ANO4: variants seen among roughly 807,000 people sequenced by gnomAD.
ANO4 encodes the protein anoctamin 4, also known as anoctamin-4.
ANO4 carries 69 observed loss-of-function variants against 141.9 expected under a neutral mutation model. That is an observed-to-expected ratio of 0.49 (90% CI 0.40 to 0.59). The LOEUF (loss-of-function observed/expected upper bound fraction) is 0.59. Among genes scored for constraint, ANO4 ranks in the 20% least tolerant of loss-of-function variants. The pLI is 0.00. For missense variants in ANO4, 894 were observed against 1,162.2 expected, an observed-to-expected ratio of 0.77 and a Z score of 3.36; for synonymous variants, 350 against 394.3, an observed-to-expected ratio of 0.89 and a Z score of 1.33.
intron 2 of ANO4, among the ~76,000 whole-genome samples, chr12:100,910,402 A>G (rs1019526420): frequency 6.6e-6 from 1 of 152,132 alleles, no homozygotes; most frequent in Admixed American, 6.5e-5. Flanking sequence ...GAAACCATTC[A>G]TCTTCATCTT....
At chr12:100,935,591 C>T (rs909213777) in intron 3 of ANO4, among the ~76,000 whole-genome samples, 17 of 152,104 alleles carry the variant, frequency 1.1e-4, no homozygotes, top group African/African-American at 4.1e-4. Flanking sequence ...ACAAATGACC[C>T]TGTTTGGATG....
Position 101,083,831 on chromosome 12 carries a change from T to A in ANO4, c.1536+13T>A, listed in dbSNP as rs764403320. 39 of 1,542,010 alleles carry A rather than the reference T, an allele frequency of 2.5e-5. No individual in the cohort carries two copies. Among genetic ancestry groups the A allele is most frequent in the Non-Finnish European group, 3.4e-5 (39 of 1,151,272 alleles). ...AATATTTTTTATGGTTTGAAACTTT[T>A]AAAAAAATATTTGTTTCATAAAATA... is the stretch of plus-strand genomic sequence containing the variant. On this transcript the variant is annotated intron_variant, in intron 16 of 27. Coordinates refer to ENST00000392977, the MANE Select transcript of ANO4 (RefSeq NM_001286615.2).
intron 1 of ANO4, among the ~76,000 whole-genome samples, chr12:100,727,479 A>G (rs568354864): frequency 2.0e-5 from 3 of 152,198 alleles, no homozygotes; most frequent in Admixed American, 2.0e-4. Context: ...TAAAAGTAAT[A>G]TAGGTACCCT....
chr12:101,036,499 T>C (rs575069594), intron 9 of ANO4, among the ~76,000 whole-genome samples: 20 of 152,228 alleles, frequency 1.3e-4, no homozygotes, highest in African/African-American at 4.1e-4. Flanking sequence ...ATATATACAA[T>C]GGAATATTGT....
intron 3 of ANO4, among the ~76,000 whole-genome samples, chr12:100,762,938 C>T (rs1461994821): frequency 2.6e-5 from 4 of 152,064 alleles, no homozygotes; most frequent in Non-Finnish European, 5.9e-5. Context: ...TCATTTATTC[C>T]ACTGAGTCTT....
At chr12:100,999,241 A>G (rs2045532454) in intron 8 of ANO4, among the ~76,000 whole-genome samples, 1 of 152,212 alleles carries the variant, frequency 6.6e-6, no homozygotes, top group African/African-American at 2.4e-5. Flanking sequence ...TTTCTGGAGG[A>G]GAATCTATTT....
At chr12:100,865,606 A>G (rs754368204) in intron 1 of ANO4, among the ~76,000 whole-genome samples, 7 of 152,206 alleles carry the variant, frequency 4.6e-5, no homozygotes, top group African/African-American at 9.6e-5. Flanking sequence ...GCACAATGAG[A>G]TATCATCTCA....
At chr12:100,780,649 GT>G (rs1473736646) in intron 3 of ANO4, among the ~76,000 whole-genome samples, 2 of 152,064 alleles carry the variant, frequency 1.3e-5, no homozygotes, top group African/African-American at 4.8e-5. Flanking sequence ...TGCCATCCTG[GT>G]TTTGGCCCAT....
chr12:101,048,056 G>A (rs1450310406), intron 13 of ANO4: 1 of 1,183,806 alleles, frequency 8.4e-7, no homozygotes, highest in Non-Finnish European at 1.1e-6. Context: ...GAGTTTTGTT[G>A]TGCACAAAAG....
intron 5 of ANO4, 35 bp from the exon 6 acceptor site, chr12:100,971,271 A>C: frequency 6.8e-7 from 1 of 1,477,320 alleles, no homozygotes; most frequent in East Asian, 2.3e-5. Flanking sequence ...AGCCTTGAAT[A>C]TACTTTTCAA....
At chr12:101,112,316 A>G (rs1593299572) in intron 24 of ANO4, among the ~76,000 whole-genome samples, 1 of 152,190 alleles carries the variant, frequency 6.6e-6, no homozygotes, top group Non-Finnish European at 1.5e-5. Flanking sequence ...GATCAATTCT[A>G]TGGCATTGCC....
At chr12:100,849,078 A>G (rs923956286) in intron 1 of ANO4, among the ~76,000 whole-genome samples, 4 of 152,226 alleles carry the variant, frequency 2.6e-5, no homozygotes, top group Non-Finnish European at 5.9e-5. Context: ...TTAACAAATC[A>G]TAGTTAAACA....
chr12:100,742,252 C>T (rs957400375), intron 3 of ANO4, among the ~76,000 whole-genome samples: 2 of 152,068 alleles, frequency 1.3e-5, no homozygotes, highest in Non-Finnish European at 2.9e-5. Flanking sequence ...TCGACAATGA[C>T]TATGTGTAGG....
At chr12:100,827,343 C>A (rs891201864) in intron 1 of ANO4, among the ~76,000 whole-genome samples, 2 of 152,006 alleles carry the variant, frequency 1.3e-5, no homozygotes, top group African/African-American at 4.8e-5. Context: ...TCCTTACTTT[C>A]TTCAGGTTTT....
chr12:100,824,372 A>C (rs533041683), intron 1 of ANO4, among the ~76,000 whole-genome samples: 1 of 152,192 alleles, frequency 6.6e-6, no homozygotes, highest in East Asian at 1.9e-4. Context: ...AGATTCTGAA[A>C]TTCCACTAGG....
At chr12:100,793,624 C>G (rs2034137671), upstream of ANO4, among the ~76,000 whole-genome samples, 1 of 151,898 alleles carries the variant, frequency 6.6e-6, no homozygotes, top group Non-Finnish European at 1.5e-5. Context: ...CCTGTTAACT[C>G]TTGACTGACT....
intron 3 of ANO4, among the ~76,000 whole-genome samples, chr12:100,777,993 C>T (rs1268711109): frequency 2.0e-5 from 3 of 150,650 alleles, no homozygotes; most frequent in Non-Finnish European, 4.4e-5. Context: ...GATCTCGGCT[C>T]ACTGCAAGCT....
At chr12:100,799,437 C>G (rs1004419377) in intron 1 of ANO4, among the ~76,000 whole-genome samples, 3 of 152,124 alleles carry the variant, frequency 2.0e-5, no homozygotes, top group Non-Finnish European at 4.4e-5. Flanking sequence ...TGGAAAGTCT[C>G]TTGTGATTAT....
At chr12:100,753,441 A>T (rs1431248677) in intron 3 of ANO4, among the ~76,000 whole-genome samples, 2 of 152,034 alleles carry the variant, frequency 1.3e-5, no homozygotes, top group Non-Finnish European at 1.5e-5. Flanking sequence ...TCTGAAAGAG[A>T]CATCATGCTG....
Sources: allele counts gnomAD v4.1 joint callset (sites outside exome capture counted in the v4.1 genomes callset), GRCh38; gene constraint gnomAD v4.1.1; transcripts MANE v1.5; gene names NCBI Gene and HGNC (gene_info 2026-07-23, HGNC 2026-07-21).